The following PHTF2 variants were observed in gnomAD, a reference collection of about 807,000 sequenced individuals.
The protein encoded by PHTF2 is protein PHTF2.
Under a neutral mutation model 101.2 loss-of-function variants are expected in PHTF2, and 60 were observed. The observed-to-expected ratio is 0.59, with a 90% CI of 0.48 to 0.73. The LOEUF (loss-of-function observed/expected upper bound fraction) is 0.73. Ranked by LOEUF, PHTF2 falls within the 30% of genes least tolerant of loss-of-function variation. PHTF2 has a pLI of 0.00. For missense variants in PHTF2, 747 were observed against 908.7 expected, an observed-to-expected ratio of 0.82 and a Z score of 2.29; for synonymous variants, 311 against 307.3, an observed-to-expected ratio of 1.01 and a Z score of -0.13.
chr7:77,903,665 A>G (rs1801596065), intron 7 of PHTF2, among the ~76,000 whole-genome samples: 1 of 152,246 alleles, frequency 6.6e-6, no homozygotes, highest in East Asian at 1.9e-4. Context: ...AACACTAAAC[A>G]TTCTCCTAGT....
chr7:77,854,726 C>T (rs1797035365), intron 2 of PHTF2: 2 of 708,952 alleles, frequency 2.8e-6, no homozygotes, highest in Admixed American at 2.0e-5. Flanking sequence ...CTCCTTTGCT[C>T]ATGTAGGAGT....
At chr7:77,910,463 T>C in intron 9 of PHTF2, 54 bp downstream of exon 8, 3 of 1,278,956 alleles carry the variant, frequency 2.3e-6, no homozygotes, top group African/African-American at 1.5e-5. Context: ...ATCCTTTTTC[T>C]GGCACTTCAG....
chr7:77,819,741 G>A (rs574522698), intron 1 of PHTF2, among the ~76,000 whole-genome samples: 1 of 152,212 alleles, frequency 6.6e-6, no homozygotes, highest in Admixed American at 6.5e-5. Flanking sequence ...GGGTTATCCA[G>A]GCCTCATAGA....
chr7:77,909,418 A>G (rs1480956184), intron 8 of PHTF2: 1 of 151,766 alleles, frequency 6.6e-6, no homozygotes, highest in South Asian at 2.1e-4. Context: ...TCCGTCACCC[A>G]GGCTGGAGTC....
chr7:77,955,963 G>C (rs1806968493), exon 20 of PHTF2: 1 of 152,390 alleles, frequency 6.6e-6, no homozygotes, highest in African/African-American at 2.4e-5. Context: ...CATTATATAA[G>C]GGCTATTTTA....
intron 3 of PHTF2, among the ~76,000 whole-genome samples, chr7:77,872,878 A>C (rs572192092): frequency 4.6e-5 from 7 of 152,282 alleles, no homozygotes; most frequent in Admixed American, 3.9e-4. Context: ...TAGCTCACTC[A>C]GAGTGGGCCA....
intron 3 of PHTF2, among the ~76,000 whole-genome samples, chr7:77,870,205 T>G (rs1373663116): frequency 6.6e-6 from 1 of 152,100 alleles, no homozygotes; most frequent in Non-Finnish European, 1.5e-5. Context: ...TTCTAGTAGT[T>G]TTATAGTGTT....
chr7:77,899,392 G>A (rs1327850077), intron 5 of PHTF2, among the ~76,000 whole-genome samples: 1 of 151,704 alleles, frequency 6.6e-6, no homozygotes, highest in Non-Finnish European at 1.5e-5. Context: ...TGCAAATTAG[G>A]GCAAAAGCAC....
chr7:77,937,951 A>G, intron 13 of PHTF2, 113 bp downstream of exon 12: 1 of 424,856 alleles, frequency 2.4e-6, no homozygotes, highest in East Asian at 4.6e-5. Flanking sequence ...CTTCACCCTG[A>G]AAAAAAAGTT....
chr7:77,918,060 T>A (rs1386990258), intron 9 of PHTF2, among the ~76,000 whole-genome samples: 1 of 152,180 alleles, frequency 6.6e-6, no homozygotes, highest in Non-Finnish European at 1.5e-5. Flanking sequence ...AGGTATCATA[T>A]GGGATGAATG....
At chr7:77,839,888 G>A (rs117210791) in intron 1 of PHTF2, among the ~76,000 whole-genome samples, 39 of 151,930 alleles carry the variant, frequency 2.6e-4, no homozygotes, top group Non-Finnish European at 4.9e-4. Flanking sequence ...TGAATGAATT[G>A]GTTTCTTGTA....
chr7:77,836,626 A>G (rs561588578), intron 1 of PHTF2, among the ~76,000 whole-genome samples: 2 of 152,296 alleles, frequency 1.3e-5, no homozygotes, highest in South Asian at 4.1e-4. Flanking sequence ...CACAGGTACA[A>G]CATGGAATAC....
At chr7:77,889,304 C>G (rs1262384892) in intron 3 of PHTF2, among the ~76,000 whole-genome samples, 1 of 152,174 alleles carries the variant, frequency 6.6e-6, no homozygotes, top group African/African-American at 2.4e-5. Context: ...CCTTCACTCT[C>G]ACTTCTAGGA....
intron 3 of PHTF2, among the ~76,000 whole-genome samples, chr7:77,863,351 A>C (rs1797796757): frequency 6.6e-6 from 1 of 152,140 alleles, no homozygotes; most frequent in Admixed American, 6.5e-5. Context: ...AATCAGAGGA[A>C]TGACGTCTTA....
intron 12 of PHTF2, among the ~76,000 whole-genome samples, chr7:77,932,034 G>A (rs1032226963): frequency 6.6e-6 from 1 of 152,088 alleles, no homozygotes; most frequent in Non-Finnish European, 1.5e-5. Flanking sequence ...TGGGAGGCAG[G>A]GCTTAGCAGT....
At chr7:77,879,771 A>C (rs61283667) in intron 3 of PHTF2, among the ~76,000 whole-genome samples, 14,784 of 152,098 alleles carry the variant, frequency 0.097, 965 homozygotes, top group South Asian at 0.19. Context: ...TCTCTTATGT[A>C]TCTTATAGGA....
At chr7:77,919,206 TGA>T (rs1466624465) in intron 9 of PHTF2, among the ~76,000 whole-genome samples, 4 of 152,200 alleles carry the variant, frequency 2.6e-5, no homozygotes, top group African/African-American at 9.6e-5. Context: ...GTAGAATAGG[TGA>T]GTTTTAAGGT....
chr7:77,820,280 T>TA (rs1176847264), intron 1 of PHTF2, among the ~76,000 whole-genome samples: 1 of 152,348 alleles, frequency 6.6e-6, no homozygotes, highest in East Asian at 1.9e-4. Flanking sequence ...TGGTAGGTGT[T>TA]ACGTGTCCAG....
chr7:77,906,715 T>G (rs1801890030), intron 7 of PHTF2, among the ~76,000 whole-genome samples: 1 of 151,910 alleles, frequency 6.6e-6, no homozygotes, highest in Non-Finnish European at 1.5e-5. Context: ...AAAATTAGAG[T>G]TAATGGCACG....
Sources: gnomAD v4.1 joint callset for allele counts (sites outside exome capture counted in the v4.1 genomes callset) on GRCh38, gnomAD v4.1.1 for gene constraint, MANE v1.5 for transcripts, NCBI Gene and HGNC (gene_info 2026-07-23, HGNC 2026-07-21) for gene names.